The following CDH13 variants were observed in gnomAD, a reference collection of about 807,000 sequenced individuals.
CDH13 encodes cadherin-13.
CDH13 carries 24 observed loss-of-function variants against 63.8 expected under a neutral mutation model. That is an observed-to-expected ratio of 0.38 (90% CI 0.27 to 0.53). CDH13 has a LOEUF of 0.53. CDH13 is among the 20% of genes least tolerant of loss of function. CDH13 has a pLI of 0.85. For missense variants in CDH13, 1,049 were observed against 903.1 expected (o/e 1.16, Z -2.07); for synonymous variants, 503 against 355.3 (o/e 1.42, Z -4.67).
intron 10 of CDH13, among the ~76,000 whole-genome samples, chr16:83,679,500 A>C (rs1246239812): frequency 6.6e-6 from 1 of 152,242 alleles, no homozygotes; most frequent in Non-Finnish European, 1.5e-5. Flanking sequence ...GAAGAAGCAG[A>C]AGTTATTTTC....
At chr16:83,571,551 C>G (rs1270086639) in intron 7 of CDH13, among the ~76,000 whole-genome samples, 1 of 152,028 alleles carries the variant, frequency 6.6e-6, no homozygotes, top group South Asian at 2.1e-4. Flanking sequence ...GTTTGTACTC[C>G]CAGGTAATGG....
chr16:82,790,290 C>T (rs2036235199), intron 1 of CDH13, among the ~76,000 whole-genome samples: 1 of 152,068 alleles, frequency 6.6e-6, no homozygotes, highest in African/African-American at 2.4e-5. Context: ...CAAAAATTAG[C>T]TGGGCATGGT....
In CDH13 at chr16:82,654,539, C is replaced by T. The variant is rs181476934; in HGVS notation, c.45+27402C>T. On this transcript the variant is annotated intron_variant, in intron 1 of 13. Coordinates refer to ENST00000567109, the MANE Select transcript of CDH13 (RefSeq NM_001257.5). ...TATTCTTAAACCTAATAATGGCTTC[C>T]TTCTGTCTTTTTGAAGCTCTCAAAT... Among the ~76,000 whole-genome samples the T allele has an allele frequency of 3.1e-3, 470 of 152,278 alleles. 3 individuals carry two copies. The highest frequency in any genetic ancestry group is 6.8e-3 in the Middle Eastern group (2 of 294).
At chr16:83,040,752 A>G (rs1431377315) in intron 3 of CDH13, among the ~76,000 whole-genome samples, 1 of 152,202 alleles carries the variant, frequency 6.6e-6, no homozygotes, top group Admixed American at 6.5e-5. Flanking sequence ...TCGAGTTGAC[A>G]ATCAATATTA....
intron 2 of CDH13, among the ~76,000 whole-genome samples, chr16:82,882,255 G>C (rs1296087653): frequency 6.6e-6 from 1 of 152,176 alleles, no homozygotes; most frequent in East Asian, 1.9e-4. Flanking sequence ...CTAGTAGAGT[G>C]TTACTAGGCA....
chr16:83,615,934 C>A (rs546990966), intron 8 of CDH13, among the ~76,000 whole-genome samples: 21 of 152,310 alleles, frequency 1.4e-4, no homozygotes, highest in East Asian at 7.7e-4. Flanking sequence ...TTTTCTCCTG[C>A]ACCAAGACCA....
At chr16:82,836,203 C>T (rs897186552) in intron 1 of CDH13, among the ~76,000 whole-genome samples, 2 of 152,152 alleles carry the variant, frequency 1.3e-5, no homozygotes, top group African/African-American at 4.8e-5. Flanking sequence ...GGCTGGAGTG[C>T]AGTGGCGCGA....
At chr16:83,013,664 A>C (rs1022051645) in intron 2 of CDH13, among the ~76,000 whole-genome samples, 2 of 152,220 alleles carry the variant, frequency 1.3e-5, no homozygotes, top group Admixed American at 6.5e-5. Flanking sequence ...TCAGAGTTAG[A>C]TGTCAGTGTG....
rs368016741 is a variant in CDH13, at chr16:83,334,613, C to G, written c.637-10249C>G. On this transcript the variant is annotated intron_variant, in intron 5 of 13. Transcript: ENST00000567109. ...CTGGTCTCAAACTCCTGGGTTCAAT[C>G]ATTCCTCCCGCCTTAGCCCTCCAAA... Among the ~76,000 whole-genome samples the G allele has an allele frequency of 1.1e-4, 16 of 152,032 alleles. No individual in the cohort carries two copies. The East Asian group carries it at 2.5e-3, about 24-fold the overall frequency.
At position 82,951,180 on chromosome 16, in the gene CDH13, C is replaced by G. The variant is rs1002761224; in HGVS notation, c.158-80830C>G. The stretch of plus-strand genomic sequence containing the variant: ...TTGTGTACATGTGTGAGGATTTTGT[C>G]CTCTACAAAAGTCAGTGGAATCATT... On this transcript the variant is annotated intron_variant, in intron 2 of 13. Coordinates refer to ENST00000567109, the MANE Select transcript of CDH13 (RefSeq NM_001257.5). Among the ~76,000 whole-genome samples the G allele has an allele frequency of 2.6e-5, 4 of 152,156 alleles. No homozygotes were observed. In the East Asian group the frequency reaches 7.8e-4, roughly 30 times the overall value.
chr16:83,133,429 A>G (rs1280282396), intron 4 of CDH13, among the ~76,000 whole-genome samples: 1 of 152,138 alleles, frequency 6.6e-6, no homozygotes, highest in Non-Finnish European at 1.5e-5. Context: ...TTAAATTATT[A>G]ATATGGCTCA....
At chr16:82,880,773 T>C (rs1201142976) in intron 2 of CDH13, among the ~76,000 whole-genome samples, 1 of 152,206 alleles carries the variant, frequency 6.6e-6, no homozygotes, top group Non-Finnish European at 1.5e-5. Context: ...ATATTGATAT[T>C]AAGGTCAACT....
chr16:83,718,822 T>C (rs888172901), intron 10 of CDH13, among the ~76,000 whole-genome samples: 1 of 152,202 alleles, frequency 6.6e-6, no homozygotes, highest in Non-Finnish European at 1.5e-5. Context: ...AATTTTCTAT[T>C]CTTCTATGAC....
At chr16:83,606,241 T>C (rs1908317531) in intron 8 of CDH13, among the ~76,000 whole-genome samples, 1 of 152,226 alleles carries the variant, frequency 6.6e-6, no homozygotes. Context: ...TTAGGACATT[T>C]CGAAGTTGAT....
chr16:82,785,964 C>G (rs1350817898), intron 1 of CDH13, among the ~76,000 whole-genome samples: 1 of 152,124 alleles, frequency 6.6e-6, no homozygotes, highest in African/African-American at 2.4e-5. Context: ...GTGTGGTTCC[C>G]CTGTTGGCTA....
chr16:83,762,289 T>A (rs563912057), intron 11 of CDH13, among the ~76,000 whole-genome samples: 1 of 152,264 alleles, frequency 6.6e-6, no homozygotes, highest in South Asian at 2.1e-4. Flanking sequence ...TGGTCCAGAT[T>A]TTCTGAAAGG....
At chr16:82,791,413 G>T (rs1169089458) in intron 1 of CDH13, among the ~76,000 whole-genome samples, 1 of 152,124 alleles carries the variant, frequency 6.6e-6, no homozygotes, top group Admixed American at 6.5e-5. Flanking sequence ...ATCATATATC[G>T]CCTGAGAACA....
intron 2 of CDH13, among the ~76,000 whole-genome samples, chr16:83,024,288 A>G (rs968651751): frequency 2.6e-5 from 4 of 152,212 alleles, no homozygotes; most frequent in Non-Finnish European, 5.9e-5. Context: ...TTTAATATTT[A>G]TTTGAAAAAA....
At chr16:83,548,639 A>G (rs1264969637) in intron 7 of CDH13, among the ~76,000 whole-genome samples, 1 of 152,196 alleles carries the variant, frequency 6.6e-6, no homozygotes, top group Admixed American at 6.5e-5. Context: ...GGAGACCAGA[A>G]GATGGGTTCC....
Sources: gnomAD v4.1 joint callset for allele counts (sites outside exome capture counted in the v4.1 genomes callset) on GRCh38, gnomAD v4.1.1 for gene constraint, MANE v1.5 for transcripts, NCBI Gene and HGNC (gene_info 2026-07-23, HGNC 2026-07-21) for gene names.